Variants in VRK3 observed in about 807,000 individuals in gnomAD.
VRK3 encodes serine/threonine-protein kinase VRK3.
VRK3 carries 50 observed loss-of-function variants against 60.4 expected under a neutral mutation model. The observed-to-expected ratio is 0.83, with a 90% CI of 0.66 to 1.05. VRK3 has a LOEUF of 1.05. Ranked by LOEUF, VRK3 falls within the 50% of genes least tolerant of loss-of-function variation. VRK3 has a pLI of 0.00. For missense variants in VRK3, 549 were observed against 585.3 expected (o/e 0.94, Z 0.64); for synonymous variants, 246 against 227.8 (o/e 1.08, Z -0.72).
At chr19:49,985,851 T>C (rs993228674) in intron 12 of VRK3, among the ~76,000 whole-genome samples, 2 of 152,168 alleles carry the variant, frequency 1.3e-5, no homozygotes, top group Non-Finnish European at 2.9e-5. Context: ...AAGCAGCACG[T>C]AGGTGACATG....
chr19:49,981,168 A>T, intron 12 of VRK3, 155 bp from the exon 13 acceptor site: 1 of 695,768 alleles, frequency 1.4e-6, no homozygotes, highest in Non-Finnish European at 2.5e-6. Flanking sequence ...GTGAACACTG[A>T]ATCAACCAAT....
intron 10 of VRK3, among the ~76,000 whole-genome samples, chr19:49,990,672 T>C (rs955195532): frequency 2.6e-5 from 4 of 152,176 alleles, no homozygotes; most frequent in Non-Finnish European, 5.9e-5. Context: ...TGCATCTTAT[T>C]CCACCATATG....
At chr19:49,982,868 T>C (rs2076446982) in intron 12 of VRK3, among the ~76,000 whole-genome samples, 1 of 152,022 alleles carries the variant, frequency 6.6e-6, no homozygotes, top group African/African-American at 2.4e-5. Flanking sequence ...GCCCAGCCCC[T>C]CCACTTCTCT....
At chr19:49,987,201 C>T (rs1014699108) in intron 12 of VRK3, among the ~76,000 whole-genome samples, 4 of 152,186 alleles carry the variant, frequency 2.6e-5, no homozygotes, top group Non-Finnish European at 5.9e-5. Context: ...GTCTGAAGTG[C>T]ATGCCTAGCA....
chr19:50,010,059 T>TATATATAC (rs143020431), intron 3 of VRK3, among the ~76,000 whole-genome samples: 1 of 150,996 alleles, frequency 6.6e-6, no homozygotes, highest in African/African-American at 2.4e-5. Flanking sequence ...TATATATATA[T>TATATATAC]ACACACACAC....
At chr19:50,004,963 C>T (rs1308052073) in intron 5 of VRK3, among the ~76,000 whole-genome samples, 2 of 147,940 alleles carry the variant, frequency 1.4e-5, no homozygotes, top group Admixed American at 1.3e-4. Context: ...TAGCCACGGC[C>T]CTCTTTCTCT....
intron 5 of VRK3, among the ~76,000 whole-genome samples, chr19:50,005,498 A>T (rs1387680384): frequency 6.7e-6 from 1 of 149,638 alleles, no homozygotes; most frequent in Non-Finnish European, 1.5e-5. Context: ...TAAAATGGGG[A>T]TAGGGATAGT....
rs1159742146 is a variant in VRK3 at position 50,017,035 on chromosome 19, C to CA, written c.-1-873dup. 1.8e-3 allele frequency among the ~76,000 whole-genome samples: 279 copies of CA among 150,824 alleles called. 2 individuals are homozygous for CA. Among genetic ancestry groups the CA allele is most frequent in the African/African-American group, 6.5e-3 (269 of 41,118 alleles). The stretch of plus-strand genomic sequence containing the variant: ...TGAAACCCTGTCTATACTAAAAATA[C>CA]AAAAAAAAATTAGCTAGGTGTGGTG... On this transcript the variant is annotated intron_variant, in intron 2 of 14. Coordinates refer to ENST00000316763, the MANE Select transcript of VRK3 (RefSeq NM_016440.4).
intron 13 of VRK3, among the ~76,000 whole-genome samples, chr19:49,980,616 C>G (rs1418629264): frequency 6.6e-6 from 1 of 151,994 alleles, no homozygotes. Flanking sequence ...ACTTGGGAGG[C>G]TGAGGCACGA....
At chr19:50,015,120 A>T (rs1246172731) in intron 3 of VRK3, among the ~76,000 whole-genome samples, 1 of 151,912 alleles carries the variant, frequency 6.6e-6, no homozygotes, top group Non-Finnish European at 1.5e-5. Flanking sequence ...GGCAATGGGG[A>T]AGTCTAGGGC....
intron 12 of VRK3, 121 bp from the exon 13 acceptor site, chr19:49,981,134 G>A (rs1160309545): frequency 3.8e-5 from 35 of 928,336 alleles, no homozygotes; most frequent in South Asian, 7.3e-5. Flanking sequence ...TGCCATCCAG[G>A]GAAGTTATGT....
chr19:49,990,748 T>C (rs1176686574), intron 10 of VRK3, among the ~76,000 whole-genome samples: 2 of 152,150 alleles, frequency 1.3e-5, no homozygotes, highest in African/African-American at 4.8e-5. Context: ...TCCCTGTTTT[T>C]CTGTTTACAG....
rs74557849 is a variant in VRK3 at position 49,989,975 on chromosome 19, C to G, written c.964-204G>C. The stretch of plus-strand genomic sequence containing the variant: ...CATATTTCCTCCCAGCCCCTAAAAC[C>G]CATCGCCCAGAAATAACCACTAGTA... On this transcript the variant is annotated intron_variant, in intron 10 of 14. Coordinates refer to ENST00000316763, the MANE Select transcript of VRK3 (RefSeq NM_016440.4). Among the ~76,000 whole-genome samples, 666 of 152,290 alleles carry G rather than the reference C, an allele frequency of 4.4e-3. 6 individuals are homozygous for G. Among genetic ancestry groups the G allele is most frequent in the African/African-American group, 0.015 (635 of 41,550 alleles).
At chr19:50,020,272 C>G (rs1364142862) in intron 2 of VRK3, among the ~76,000 whole-genome samples, 2 of 152,132 alleles carry the variant, frequency 1.3e-5, no homozygotes, top group Non-Finnish European at 2.9e-5. Flanking sequence ...AACTCCTGAC[C>G]TCAAGTGATC....
chr19:50,025,055 GC>G (rs2077244635), intron 1 of VRK3: 1 of 152,208 alleles, frequency 6.6e-6, no homozygotes, highest in Non-Finnish European at 1.5e-5. Context: ...GCCCATCTCC[GC>G]CTTAGCCATG....
intron 5 of VRK3, among the ~76,000 whole-genome samples, chr19:50,007,294 G>A (rs574417230): frequency 9.1e-4 from 135 of 147,922 alleles, no homozygotes; most frequent in Non-Finnish European, 1.4e-3. Context: ...GTAGCAGGTG[G>A]GGTGAGGAGG....
intron 5 of VRK3, 164 bp from the exon 6 acceptor site, chr19:50,001,018 C>T: frequency 3.2e-6 from 2 of 617,322 alleles, no homozygotes; most frequent in South Asian, 2.0e-5. Context: ...TTTAAATAAG[C>T]TTCTTCTTCC....
intron 3 of VRK3, among the ~76,000 whole-genome samples, chr19:50,013,547 T>C (rs1456377209): frequency 1.1e-4 from 17 of 152,250 alleles, no homozygotes; most frequent in Admixed American, 1.0e-3. Context: ...CTCCCCGCCA[T>C]GTATGCTGAC....
intron 13 of VRK3, among the ~76,000 whole-genome samples, chr19:49,980,100 C>CCTTA (rs2076398205): frequency 6.6e-6 from 1 of 151,706 alleles, no homozygotes; most frequent in South Asian, 2.1e-4. Flanking sequence ...AAAAAATGAG[C>CCTTA]CTTAGAGAGC....
Sources: allele counts gnomAD v4.1 joint callset (sites outside exome capture counted in the v4.1 genomes callset), GRCh38; gene constraint gnomAD v4.1.1; transcripts MANE v1.5; gene names NCBI Gene and HGNC (gene_info 2026-07-23, HGNC 2026-07-21).